FAAH2: variants seen among roughly 807,000 people sequenced by gnomAD.
FAAH2 encodes fatty-acid amide hydrolase 2.
Under a neutral mutation model 36.9 loss-of-function variants are expected in FAAH2, and 60 were observed. The observed-to-expected ratio is 1.63, with a 90% CI of 1.32 to 2.02. The LOEUF (loss-of-function observed/expected upper bound fraction) is 2.02, where lower values mean the gene tolerates loss of function less well. FAAH2 is among the 30% of genes most tolerant of loss of function. The pLI is 0.00. For synonymous variants in FAAH2, 214 were observed against 143.8 expected (o/e 1.49, Z -3.49); for missense variants, 689 against 397.5 (o/e 1.73, Z -6.23).
intron 7 of FAAH2, among the ~76,000 whole-genome samples, chrX:57,417,942 T>C (rs1177748846): frequency 1.8e-5 from 2 of 111,528 alleles, no homozygotes; most frequent in South Asian, 7.6e-4. Flanking sequence ...TGAGGAGGAA[T>C]CTAGAGACGC....
chrX:57,372,112 A>T (rs2054566900), intron 5 of FAAH2, among the ~76,000 whole-genome samples: 1 of 111,209 alleles, frequency 9.0e-6, no homozygotes, highest in Non-Finnish European at 1.9e-5. Context: ...GAACATACAG[A>T]TCCATGTATC....
At chrX:57,442,152 C>A (rs111696259) in intron 8 of FAAH2, among the ~76,000 whole-genome samples, 2 of 109,442 alleles carry the variant, frequency 1.8e-5, no homozygotes, top group African/African-American at 6.7e-5. Flanking sequence ...GAGTTCAATT[C>A]CTGGATATCC....
At chrX:57,390,636 A>C (rs1249955977) in intron 7 of FAAH2, among the ~76,000 whole-genome samples, 1 of 111,358 alleles carries the variant, frequency 9.0e-6, no homozygotes, top group Non-Finnish European at 1.9e-5. Context: ...AGCTAAATCC[A>C]CGTGGTTGCA....
At chrX:57,382,984 A>G (rs1396358858) in intron 7 of FAAH2, among the ~76,000 whole-genome samples, 1 of 111,387 alleles carries the variant, frequency 9.0e-6, no homozygotes, top group Non-Finnish European at 1.9e-5. Context: ...CACCATGATC[A>G]AGTGGGCTTC....
chrX:57,235,381 T>G, the FAAH2 span, among the ~76,000 whole-genome samples: 1 of 111,927 alleles, frequency 8.9e-6, no homozygotes, highest in Non-Finnish European at 1.9e-5. Context: ...CCTTTAGGTC[T>G]TGTTTATAAT....
chrX:57,372,741 A>T (rs368652557), intron 5 of FAAH2, among the ~76,000 whole-genome samples: 2 of 110,590 alleles, frequency 1.8e-5, no homozygotes, highest in South Asian at 7.7e-4. Context: ...TTTTATTACA[A>T]TAGGTTTTTG....
chrX:57,288,338 C>CTTTTCTTTTTTTTTTT (rs2051872601), intron 1 of FAAH2, among the ~76,000 whole-genome samples: 1 of 40,363 alleles, frequency 2.5e-5, no homozygotes, highest in African/African-American at 1.4e-4. Context: ...AAAAACATTT[C>CTTTTCTTTTTTTTTTT]TTTTTTTTTT....
chrX:57,422,401 G>A (rs1339420873), intron 7 of FAAH2, among the ~76,000 whole-genome samples: 1 of 111,992 alleles, frequency 8.9e-6, no homozygotes, highest in Non-Finnish European at 1.9e-5. Flanking sequence ...AGCAGTTTTA[G>A]TTGCTTCTAT....
At chrX:57,166,962 A>G in the FAAH2 span, among the ~76,000 whole-genome samples, 1 of 111,721 alleles carries the variant, frequency 9.0e-6, no homozygotes, top group Non-Finnish European at 1.9e-5. Context: ...GAGCTTCATC[A>G]TATGTTTATA....
At chrX:57,224,555 G>A in the FAAH2 span, among the ~76,000 whole-genome samples, 77 of 111,293 alleles carry the variant, frequency 6.9e-4, no homozygotes, top group African/African-American at 2.4e-3. Flanking sequence ...CACCAGCAGC[G>A]TGCGCCGGCA....
chrX:57,349,663 CACTT>C (rs958857661), intron 5 of FAAH2, among the ~76,000 whole-genome samples: 5 of 106,365 alleles, frequency 4.7e-5, no homozygotes, highest in African/African-American at 1.7e-4. Flanking sequence ...AGAAGAAAAA[CACTT>C]ACAACTTAAA....
intron 1 of FAAH2, chrX:57,290,193 C>T: frequency 1.7e-6 from 1 of 600,128 alleles, no homozygotes; most frequent in Non-Finnish European, 2.0e-6. Context: ...TACCTCTAAC[C>T]CCTGCTTTTT....
chrX:57,289,518 G>GT (rs1216958183), intron 1 of FAAH2, among the ~76,000 whole-genome samples: 2 of 110,866 alleles, frequency 1.8e-5, no homozygotes, highest in African/African-American at 6.6e-5. Context: ...TTTTGAAACC[G>GT]TAAGTCCCAC....
chrX:57,297,129 G>A (rs1413645705), intron 2 of FAAH2, among the ~76,000 whole-genome samples: 2 of 108,026 alleles, frequency 1.9e-5, no homozygotes, highest in Middle Eastern at 4.8e-3. Context: ...CTCAAGAAGA[G>A]CAACTCCAAG....
the FAAH2 span, among the ~76,000 whole-genome samples, chrX:57,141,601 A>G: frequency 1.8e-5 from 2 of 111,136 alleles, no homozygotes; most frequent in Admixed American, 9.6e-5. Flanking sequence ...TACCATTGCT[A>G]TCTCATTACC....
At chrX:57,144,201 A>G in the FAAH2 span, among the ~76,000 whole-genome samples, 1 of 111,125 alleles carries the variant, frequency 9.0e-6, no homozygotes, top group South Asian at 3.8e-4. Context: ...GGTCCTTTAC[A>G]TGTTATTTGG....
chrX:57,431,763 G>GTTTTTTTTTTTTTTTTTTTTTTTTTTTT (rs200270868), intron 7 of FAAH2, among the ~76,000 whole-genome samples, 155 bp from the exon 8 acceptor site: 1 of 13,671 alleles, frequency 7.3e-5, no homozygotes, highest in African/African-American at 8.3e-5. Context: ...TTTTGTTTTT[G>GTTTTTTTTTTTTTTTTTTTTTTTTTTTT]TTTTTTTGTT....
chrX:57,484,109 G>A (rs749853699), intron 10 of FAAH2, among the ~76,000 whole-genome samples: 7 of 110,977 alleles, frequency 6.3e-5, no homozygotes, highest in Admixed American at 5.8e-4. Flanking sequence ...CCAGCCACTG[G>A]CAACTTTTTT....
intron 5 of FAAH2, among the ~76,000 whole-genome samples, chrX:57,349,177 G>GTATATGTATA (rs1569280875): frequency 1.1e-4 from 3 of 28,245 alleles, no homozygotes; most frequent in East Asian, 1.8e-3. Context: ...ACATATATAT[G>GTATATGTATA]TATACATATA....
Sources: gnomAD v4.1 joint callset for allele counts (sites outside exome capture counted in the v4.1 genomes callset) on GRCh38, gnomAD v4.1.1 for gene constraint, MANE v1.5 for transcripts, NCBI Gene and HGNC (gene_info 2026-07-23, HGNC 2026-07-21) for gene names.